The following UBXN4 variants were observed in gnomAD, a reference collection of about 807,000 sequenced individuals.
The protein encoded by UBXN4 is UBX domain-containing protein 4.
UBXN4 carries 35 observed loss-of-function variants against 66.2 expected under a neutral mutation model. The observed-to-expected ratio is 0.53, with a 90% confidence interval of 0.40 to 0.70. The LOEUF (loss-of-function observed/expected upper bound fraction) is 0.70, where lower values mean the gene tolerates loss of function less well. UBXN4 is among the 30% of genes least tolerant of loss of function. The pLI is 0.00. For synonymous variants in UBXN4, 203 were observed against 204.5 expected (o/e 0.99, Z 0.06); for missense variants, 533 against 599.8 (o/e 0.89, Z 1.16).
chr2:135,763,789 G>A (rs1232042202), intron 6 of UBXN4, among the ~76,000 whole-genome samples: 1 of 151,606 alleles, frequency 6.6e-6, no homozygotes, highest in Non-Finnish European at 1.5e-5. Context: ...TCACACCACT[G>A]TACTCCAGCC....
At chr2:135,748,172 A>G (rs1412641388) in intron 1 of UBXN4, 95 bp from the exon 2 acceptor site, 1 of 906,098 alleles carries the variant, frequency 1.1e-6, no homozygotes, top group African/African-American at 1.7e-5. Flanking sequence ...TATAGGTGGG[A>G]TTATATTTTA....
chr2:135,784,649 C>CTTTAAAAATACAGCAATATGTGACTT lies in UBXN4; in HGVS notation c.*1771_*1796dup. The stretch of plus-strand genomic sequence containing the variant: ...TCTCATTTAAATAAAGGTTTGTCAT[C>CTTTAAAAATACAGCAATATGTGACTT]TTTAAAAATACAGCAATATGTGACT... On this transcript the variant is annotated 3_prime_UTR_variant, in exon 13 of 13. Transcript: ENST00000272638. The CTTTAAAAATACAGCAATATGTGACTT allele has an allele frequency of 1.3e-5, 2 of 152,658 alleles. No individual in the cohort carries two copies. The highest frequency in any genetic ancestry group is 4.8e-5 in the African/African-American group (2 of 41,540). The allele number at this position is 152,658 out of a possible 1,614,324, so 9.5% of individuals were successfully genotyped here.
At chr2:135,758,289 G>A (rs6720497) in intron 5 of UBXN4, among the ~76,000 whole-genome samples, 20,202 of 151,902 alleles carry the variant, frequency 0.13, 1,643 homozygotes, top group South Asian at 0.29. Flanking sequence ...GATCAGGCTG[G>A]TCTCAATCTC....
intron 2 of UBXN4, among the ~76,000 whole-genome samples, chr2:135,752,333 C>T (rs1252898665): frequency 1.3e-5 from 2 of 152,164 alleles, no homozygotes; most frequent in Non-Finnish European, 2.9e-5. Flanking sequence ...AGGCGTGAGC[C>T]ACCACGCCAG....
At chr2:135,750,967 T>G (rs2077237833) in intron 2 of UBXN4, among the ~76,000 whole-genome samples, 1 of 143,946 alleles carries the variant, frequency 6.9e-6, no homozygotes, top group Non-Finnish European at 1.5e-5. Context: ...GCCATTCTCC[T>G]GCCTCAGCCT....
chr2:135,752,784 G>C (rs1027328277), intron 2 of UBXN4, among the ~76,000 whole-genome samples: 1 of 149,880 alleles, frequency 6.7e-6, no homozygotes, highest in African/African-American at 2.5e-5. Context: ...GCAGTGGCGC[G>C]ATCTTGGCTC....
chr2:135,776,391 A>G, intron 10 of UBXN4, 40 bp downstream of exon 10: 1 of 1,545,874 alleles, frequency 6.5e-7, no homozygotes, highest in Non-Finnish European at 8.9e-7. Flanking sequence ...ATAGATGTGT[A>G]GGTTACTAAA....
intron 5 of UBXN4, among the ~76,000 whole-genome samples, chr2:135,760,842 C>T (rs2077310779): frequency 6.6e-6 from 1 of 152,140 alleles, no homozygotes; most frequent in African/African-American, 2.4e-5. Flanking sequence ...GCTAATTTCC[C>T]AGGTGTAAAT....
chr2:135,776,320 C>G lies in UBXN4; in HGVS notation c.1022C>G (p.Pro341Arg). The change falls in exon 10 of 13, where the codon CCT (proline) becomes CGT (arginine). Residue 341 changes from proline (P) to arginine (R), a missense_variant. Transcript: ENST00000272638. ...SFTNQFPSDA[P>R]LEEARQFAAQ... ...ACAAATCAGTTCCCTTCTGATGCTC[C>G]TCTAGAAGAGGCAAGGCAGTTTGCT... The G allele has an allele frequency of 6.2e-7, 1 of 1,614,014 alleles. No homozygotes were observed. The highest frequency in any genetic ancestry group is 8.5e-7 in the Non-Finnish European group (1 of 1,179,948).
chr2:135,764,161 G>C (rs1438498622), intron 6 of UBXN4, among the ~76,000 whole-genome samples: 1 of 151,980 alleles, frequency 6.6e-6, no homozygotes, highest in Non-Finnish European at 1.5e-5. Context: ...AAATAAAGCA[G>C]GATGGATTAG....
At chr2:135,781,867 G>C (rs1413013587) in intron 12 of UBXN4, among the ~76,000 whole-genome samples, 2 of 152,178 alleles carry the variant, frequency 1.3e-5, no homozygotes, top group Non-Finnish European at 2.9e-5. Context: ...GAGGCCAGAA[G>C]TTTGAGACCA....
Position 135,777,379 on chromosome 2 carries a change from T to G in UBXN4, c.1053+1028T>G, listed in dbSNP as rs78569214. On this transcript the variant is annotated intron_variant, in intron 10 of 12. Transcript: ENST00000272638. ...GACCTTTTCTCCACATTTGGTCGTCTTCTTGCACTCGTGAACTAGGCTGGA... is the reference window on the plus strand; with the variant it reads ...GACCTTTTCTCCACATTTGGTCGTCGTCTTGCACTCGTGAACTAGGCTGGA... Among the ~76,000 whole-genome samples the G allele has an allele frequency of 0.011, 1,620 of 152,320 alleles. 99 individuals carry two copies. The East Asian group carries it at 0.19, about 18-fold the overall frequency.
At chr2:135,775,455 C>T (rs1455959681) in intron 9 of UBXN4, among the ~76,000 whole-genome samples, 1 of 152,184 alleles carries the variant, frequency 6.6e-6, no homozygotes, top group Admixed American at 6.5e-5. Context: ...CAATGTTTTT[C>T]AGCAATAGGA....
intron 6 of UBXN4, among the ~76,000 whole-genome samples, chr2:135,767,573 G>A (rs917824835): frequency 2.0e-5 from 3 of 152,118 alleles, no homozygotes; most frequent in South Asian, 4.1e-4. Context: ...AGGCTTATCC[G>A]TGTTGCATGT....
intron 3 of UBXN4, chr2:135,753,832 T>C (rs909129657): frequency 6.8e-6 from 3 of 440,074 alleles, no homozygotes; most frequent in African/African-American, 4.1e-5. Context: ...GTTTTTAAAA[T>C]GTGAATATCT....
chr2:135,782,766 G>A lies in UBXN4; in HGVS notation c.1406G>A (p.Arg469Lys), dbSNP rs2077457783. 7 of 1,613,774 alleles carry A rather than the reference G, an allele frequency of 4.3e-6. No homozygotes were observed. The highest frequency in any genetic ancestry group is 5.9e-6 in the Non-Finnish European group (7 of 1,179,876). ...CGTATCAGGGAACCAGTGAGAAAAA[G>A]AGTGCTGGAAAAACGTGGAGACGAC... ...KSEKREPVRK[R>K]VLEKRGDDFK... is the part of the protein sequence containing the mutation. Residue 469 changes from arginine (R) to lysine (K), a missense_variant, in exon 13 of 13, where the codon AGA (arginine) becomes AAA (lysine). Physicochemically the swap from Arg to Lys is conservative, Grantham distance 26. Transcript: ENST00000272638.
chr2:135,770,861 T>A, intron 8 of UBXN4, 126 bp downstream of exon 8: 1 of 941,576 alleles, frequency 1.1e-6, no homozygotes, highest in Non-Finnish European at 1.4e-6. Context: ...CTGAGCTTCC[T>A]TTTATTAGAA....
At chr2:135,776,489 A>G (rs1050356910) in intron 10 of UBXN4, 138 bp downstream of exon 10, 3 of 637,174 alleles carry the variant, frequency 4.7e-6, no homozygotes, top group African/African-American at 1.8e-5. Context: ...CCTCTGAGAT[A>G]TTGTGGAAAT....
intron 10 of UBXN4, 85 bp from the exon 11 acceptor site, chr2:135,778,863 G>A (rs2077433539): frequency 7.4e-7 from 1 of 1,354,046 alleles, no homozygotes; most frequent in Non-Finnish European, 9.8e-7. Context: ...TTAAGGCAAT[G>A]TTAATTAAAG....
Sources: gnomAD v4.1 joint callset for allele counts (sites outside exome capture counted in the v4.1 genomes callset) on GRCh38, gnomAD v4.1.1 for gene constraint, MANE v1.5 for transcripts, NCBI Gene and HGNC (gene_info 2026-07-23, HGNC 2026-07-21) for gene names.